Variants in FOXP1 observed in about 807,000 individuals in gnomAD.
FOXP1 encodes forkhead box P1.
In FOXP1, 15 loss-of-function variants were observed where a neutral mutation model predicts 98.2. That is an observed-to-expected ratio of 0.15 (90% CI 0.10 to 0.24). The LOEUF (loss-of-function observed/expected upper bound fraction) is 0.24, where lower values mean the gene tolerates loss of function less well. FOXP1 is among the 10% of genes least tolerant of loss of function. The pLI, the probability that FOXP1 is intolerant of heterozygous loss-of-function variation, is 1.00. For synonymous variants in FOXP1, 371 were observed against 314.5 expected (o/e 1.18, Z -1.90); for missense variants, 633 against 848.5 (o/e 0.75, Z 3.15).
chr3:71,053,207 A>C (rs1448834893), intron 8 of FOXP1, among the ~76,000 whole-genome samples: 6 of 152,224 alleles, frequency 3.9e-5, no homozygotes, highest in African/African-American at 1.4e-4. Context: ...TAAAATTAGC[A>C]AATTCTAGAA....
At chr3:71,178,138 CTTT>C (rs566282356) in intron 6 of FOXP1, among the ~76,000 whole-genome samples, 77 of 111,864 alleles carry the variant, frequency 6.9e-4, no homozygotes, top group Admixed American at 9.2e-4. Context: ...CCCAGTCAGT[CTTT>C]TTTTTTTTTT....
chr3:71,405,294 G>A (rs2082239863), intron 3 of FOXP1, among the ~76,000 whole-genome samples: 1 of 152,242 alleles, frequency 6.6e-6, no homozygotes. Flanking sequence ...GAAGGCAGGT[G>A]TGAATGTAAG....
chr3:71,325,074 A>G (rs1397532741), intron 4 of FOXP1, among the ~76,000 whole-genome samples: 2 of 129,356 alleles, frequency 1.5e-5, no homozygotes, highest in Non-Finnish European at 3.3e-5. Context: ...TTTTTTTGAG[A>G]TGTTGTCTTG....
rs2031543243 is a variant in FOXP1, at chr3:70,955,465, C to G, written c.*3782G>C. ...GGGACAGGTAGGTTGGATCCTCATTCCTGACAGTGCATTTGTCTGACACAC... is the reference window on the plus strand; with the variant it reads ...GGGACAGGTAGGTTGGATCCTCATTGCTGACAGTGCATTTGTCTGACACAC... On this transcript the variant is annotated 3_prime_UTR_variant, in exon 21 of 21. Transcript: ENST00000649528. The G allele has an allele frequency of 4.3e-6, 1 of 232,754 alleles. No individual in the cohort carries two copies. Among genetic ancestry groups the G allele is most frequent in the Non-Finnish European group, 8.5e-6 (1 of 117,866 alleles). 14.4% of individuals were successfully genotyped at this position (232,754 alleles called of 1,614,324 possible).
chr3:71,402,477 T>A (rs2082017743), intron 3 of FOXP1, among the ~76,000 whole-genome samples: 1 of 152,198 alleles, frequency 6.6e-6, no homozygotes, highest in Non-Finnish European at 1.5e-5. Flanking sequence ...CATAAATGTC[T>A]GTTATCTGTG....
chr3:71,231,122 A>G (rs2066251445), intron 5 of FOXP1, among the ~76,000 whole-genome samples: 1 of 152,252 alleles, frequency 6.6e-6, no homozygotes, highest in South Asian at 2.1e-4. Flanking sequence ...GCTGACAGCA[A>G]AAGTCCCCTT....
chr3:71,091,445 G>A (rs953373466), intron 7 of FOXP1, among the ~76,000 whole-genome samples: 10 of 151,872 alleles, frequency 6.6e-5, no homozygotes, highest in East Asian at 3.9e-4. Flanking sequence ...AGCCGAGATC[G>A]CACCACTGCA....
rs1305196494 is a variant in FOXP1, at chr3:71,113,737, T to TAAAATAAAATAAAATAAAATA, written c.181-1121_181-1101dup. 1.6e-4 allele frequency among the ~76,000 whole-genome samples: 24 copies of TAAAATAAAATAAAATAAAATA among 148,506 alleles called. 1 individual carries two copies. The highest frequency in any genetic ancestry group is 5.9e-4 in the African/African-American group (24 of 40,794). On this transcript the variant is annotated intron_variant, in intron 6 of 20. Coordinates refer to ENST00000649528, the MANE Select transcript of FOXP1 (RefSeq NM_001349338.3). ...CAAAATAAAATAAAATAAAATAAAA[T>TAAAATAAAATAAAATAAAATA]AAAATAAAATAAAATAAAATAAAAG...
intron 6 of FOXP1, among the ~76,000 whole-genome samples, chr3:71,169,566 T>C (rs1465848791): frequency 6.6e-6 from 1 of 152,154 alleles, no homozygotes; most frequent in Non-Finnish European, 1.5e-5. Flanking sequence ...CTTTATCTTC[T>C]GGCTTTTGTT....
At chr3:71,128,895 TAA>T (rs374808186) in intron 6 of FOXP1, among the ~76,000 whole-genome samples, 4 of 145,802 alleles carry the variant, frequency 2.7e-5, no homozygotes, top group Admixed American at 6.8e-5. Context: ...TCACTTGCCT[TAA>T]AAAAAAAAAG....
chr3:71,183,936 T>C (rs895205173), intron 6 of FOXP1, among the ~76,000 whole-genome samples: 1 of 152,134 alleles, frequency 6.6e-6, no homozygotes, highest in Non-Finnish European at 1.5e-5. Flanking sequence ...GAAGATCACC[T>C]GAGGTTGGGA....
chr3:71,385,085 G>GA (rs1329364058), intron 3 of FOXP1, among the ~76,000 whole-genome samples: 1 of 148,098 alleles, frequency 6.8e-6, no homozygotes, highest in Non-Finnish European at 1.5e-5. Context: ...TAGTAATTAA[G>GA]AAGGGGCACG....
At chr3:71,532,030 T>C (rs1238047048) in intron 2 of FOXP1, among the ~76,000 whole-genome samples, 1 of 152,226 alleles carries the variant, frequency 6.6e-6, no homozygotes, top group East Asian at 1.9e-4. Context: ...AGGCTTCCAT[T>C]GACTTAATAG....
intron 2 of FOXP1, among the ~76,000 whole-genome samples, chr3:71,522,665 G>A (rs748600799): frequency 3.9e-5 from 6 of 152,286 alleles, no homozygotes; most frequent in South Asian, 2.1e-4. Context: ...AACTCAGACC[G>A]TTCTGGGCCA....
chr3:71,487,861 G>T (rs1164185266), intron 3 of FOXP1, among the ~76,000 whole-genome samples: 1 of 152,122 alleles, frequency 6.6e-6, no homozygotes, highest in Non-Finnish European at 1.5e-5. Context: ...TACAAAGTTG[G>T]ATCATATTCT....
intron 13 of FOXP1, among the ~76,000 whole-genome samples, chr3:70,991,078 T>A (rs1193723790): frequency 1.4e-5 from 2 of 146,906 alleles, no homozygotes; most frequent in African/African-American, 5.1e-5. Flanking sequence ...TTAAGAAAAG[T>A]GAAATCGGTC....
intron 3 of FOXP1, among the ~76,000 whole-genome samples, chr3:71,395,252 T>C (rs1480761198): frequency 1.3e-5 from 2 of 151,396 alleles, no homozygotes; most frequent in Non-Finnish European, 2.9e-5. Flanking sequence ...ATTAAAGTAA[T>C]AGGTAGAAGA....
chr3:71,342,687 T>TA (rs35486757), intron 4 of FOXP1, among the ~76,000 whole-genome samples: 2,528 of 145,752 alleles, frequency 0.017, 66 homozygotes, highest in African/African-American at 0.054. Flanking sequence ...AGACTCCGTC[T>TA]AAAAAAAAAA....
chr3:71,179,073 CATTT>C (rs1368759737), intron 6 of FOXP1, among the ~76,000 whole-genome samples: 1 of 147,860 alleles, frequency 6.8e-6, no homozygotes, highest in Non-Finnish European at 1.5e-5. Flanking sequence ...GAAATATACT[CATTT>C]ATTGAAACTA....
Sources: gnomAD v4.1 joint callset for allele counts (sites outside exome capture counted in the v4.1 genomes callset) on GRCh38, gnomAD v4.1.1 for gene constraint, MANE v1.5 for transcripts, NCBI Gene and HGNC (gene_info 2026-07-23, HGNC 2026-07-21) for gene names.